ZDHHC17: variants seen among roughly 807,000 people sequenced by gnomAD.
ZDHHC17 encodes zDHHC palmitoyltransferase 17.
Under a neutral mutation model 90.3 loss-of-function variants are expected in ZDHHC17, and 40 were observed. That is an observed-to-expected ratio of 0.44 (90% CI 0.34 to 0.58). The LOEUF is 0.58. ZDHHC17 is among the 20% of genes least tolerant of loss of function. ZDHHC17 has a pLI of 0.01. For missense variants in ZDHHC17, 614 were observed against 780.8 expected, an observed-to-expected ratio of 0.79 and a Z score of 2.55; for synonymous variants, 235 against 252.4, an observed-to-expected ratio of 0.93 and a Z score of 0.65.
At chr12:76,781,861 A>C (rs1952630576) in intron 1 of ZDHHC17, among the ~76,000 whole-genome samples, 1 of 152,234 alleles carries the variant, frequency 6.6e-6, no homozygotes, top group Non-Finnish European at 1.5e-5. Context: ...AAATCTCAAA[A>C]ACATAATGTT....
chr12:76,828,027 G>C (rs1246409732), intron 9 of ZDHHC17, among the ~76,000 whole-genome samples: 1 of 151,984 alleles, frequency 6.6e-6, no homozygotes, highest in Non-Finnish European at 1.5e-5. Context: ...GGCTTGGTTT[G>C]GATTCATTTG....
intron 1 of ZDHHC17, among the ~76,000 whole-genome samples, chr12:76,779,535 A>G (rs141524973): frequency 7.3e-4 from 111 of 152,280 alleles, no homozygotes; most frequent in African/African-American, 2.5e-3. Flanking sequence ...CATCCCCATG[A>G]TTCAATTACC....
chr12:76,786,042 T>C (rs1260699793), intron 1 of ZDHHC17, among the ~76,000 whole-genome samples: 1 of 152,114 alleles, frequency 6.6e-6, no homozygotes, highest in African/African-American at 2.4e-5. Flanking sequence ...AAAGAAGCAT[T>C]GCGACTTGGT....
chr12:76,804,214 G>A (rs1302157950), intron 2 of ZDHHC17, among the ~76,000 whole-genome samples: 1 of 152,216 alleles, frequency 6.6e-6, no homozygotes, highest in African/African-American at 2.4e-5. Context: ...AGTCTTACCA[G>A]CAGTGGGATG....
chr12:76,831,153 A>T (rs774573255), intron 10 of ZDHHC17, among the ~76,000 whole-genome samples: 1 of 152,220 alleles, frequency 6.6e-6, no homozygotes, highest in Admixed American at 6.5e-5. Context: ...AAGGGGAGAT[A>T]ATAGTAGCAC....
At chr12:76,800,890 T>C (rs1435504987) in intron 2 of ZDHHC17, among the ~76,000 whole-genome samples, 4 of 144,900 alleles carry the variant, frequency 2.8e-5, no homozygotes, top group South Asian at 2.2e-4. Context: ...CATTTCTTTT[T>C]TTTTTTTTTT....
Position 76,809,754 on chromosome 12 carries a change from G to T in ZDHHC17, c.440G>T (p.Gly147Val), listed in dbSNP as rs771644547. Residue 147 changes from glycine (G) to valine (V), a missense_variant, in exon 5 of 17, where the codon GGT becomes GTT. By Grantham distance (109) the Gly-to-Val change is moderately radical (BLOSUM62 -3). Around this residue, in one of 5 missense-constraint regions of ZDHHC17, gnomAD observed 358 missense variants for 380.4 expected, o/e 0.94. Coordinates refer to ENST00000426126, the MANE Select transcript of ZDHHC17 (RefSeq NM_015336.4). ...ATGGTTGTGCAACTAATGAAATATGGTGCAGATCCTTCATTAATTGATGGA... is the reference window on the plus strand; with the variant it reads ...ATGGTTGTGCAACTAATGAAATATGTTGCAGATCCTTCATTAATTGATGGA... ...LSMVVQLMKY[G>V]ADPSLIDGEG... 1 of 1,596,754 alleles carries T rather than the reference G, an allele frequency of 6.3e-7. No homozygotes were observed. The highest frequency in any genetic ancestry group is 8.5e-7 in the Non-Finnish European group (1 of 1,171,984).
chr12:76,808,090 T>C (rs1369618393), intron 3 of ZDHHC17, among the ~76,000 whole-genome samples: 5 of 152,194 alleles, frequency 3.3e-5, no homozygotes, highest in African/African-American at 7.2e-5. Flanking sequence ...CAAATACTTA[T>C]TTGCAGCCAC....
intron 2 of ZDHHC17, among the ~76,000 whole-genome samples, chr12:76,798,071 A>G (rs1952844060): frequency 6.6e-6 from 1 of 152,288 alleles, no homozygotes; most frequent in Non-Finnish European, 1.5e-5. Flanking sequence ...TTAGGCCCTG[A>G]GAATATTAAG....
chr12:76,826,412 T>C (rs980976967), intron 8 of ZDHHC17, among the ~76,000 whole-genome samples: 5 of 152,216 alleles, frequency 3.3e-5, no homozygotes, highest in African/African-American at 1.2e-4. Flanking sequence ...TCTAGGAGCC[T>C]ATGGATTGTT....
chr12:76,781,778 G>T, intron 1 of ZDHHC17: 2 of 427,600 alleles, frequency 4.7e-6, no homozygotes, highest in Non-Finnish European at 4.7e-6. Context: ...GAATATATCT[G>T]GCTTATTCAT....
At chr12:76,831,067 T>G (rs916331207) in intron 10 of ZDHHC17, among the ~76,000 whole-genome samples, 1 of 149,284 alleles carries the variant, frequency 6.7e-6, no homozygotes, top group East Asian at 1.9e-4. Flanking sequence ...GTAAATACAT[T>G]GAATAAGTTG....
intron 8 of ZDHHC17, among the ~76,000 whole-genome samples, chr12:76,825,488 A>G (rs190058461): frequency 2.1e-4 from 32 of 152,330 alleles, no homozygotes; most frequent in Admixed American, 2.1e-3. Flanking sequence ...TCTCCTGAGT[A>G]GTAAATCTTC....
chr12:76,825,105 T>G (rs956833864), intron 8 of ZDHHC17, among the ~76,000 whole-genome samples: 8 of 152,084 alleles, frequency 5.3e-5, no homozygotes. Flanking sequence ...AGGAATCCTT[T>G]TAAGTAGTGG....
At position 76,822,491 on chromosome 12, in the gene ZDHHC17, A is replaced by G. The variant is rs1953175847; in HGVS notation, c.857A>G (p.Tyr286Cys). 1 of 1,612,088 alleles carries G rather than the reference A, an allele frequency of 6.2e-7. No homozygotes were observed. The highest frequency in any genetic ancestry group is 8.5e-7 in the Non-Finnish European group (1 of 1,179,024). The change falls in exon 8 of 17, where the codon TAT (tyrosine) becomes TGT (cysteine). Residue 286 changes from tyrosine to cysteine, a missense_variant. Coordinates refer to ENST00000426126, the MANE Select transcript of ZDHHC17 (RefSeq NM_015336.4). ...HLQEARQAKG[Y>C]DNPSFLRKLK... ...CAAGAGGCAAGGCAAGCAAAAGGATATGACAATCCGTCCTTCCTTAGAAAG... is the reference window on the plus strand; with the variant it reads ...CAAGAGGCAAGGCAAGCAAAAGGATGTGACAATCCGTCCTTCCTTAGAAAG...
chr12:76,782,836 C>T lies in ZDHHC17; in HGVS notation c.94-14598C>T, dbSNP rs116332308. On this transcript the variant is annotated intron_variant, in intron 1 of 16. Transcript: ENST00000426126. ...GCAAGGACAGGTGGGGATTTATAGTCAGCAAGCAGAATGAGGGGTAGTCAG... is the reference window on the plus strand; with the variant it reads ...GCAAGGACAGGTGGGGATTTATAGTTAGCAAGCAGAATGAGGGGTAGTCAG... Among the ~76,000 whole-genome samples, 503 of 151,952 alleles carry T rather than the reference C, an allele frequency of 3.3e-3. 3 individuals carry two copies. Among genetic ancestry groups the T allele is most frequent in the African/African-American group, 0.012 (479 of 41,418 alleles).
intron 1 of ZDHHC17, among the ~76,000 whole-genome samples, chr12:76,792,914 T>G (rs1409097734): frequency 1.1e-4 from 17 of 152,174 alleles, no homozygotes; most frequent in Non-Finnish European, 1.5e-5. Flanking sequence ...GACATCAAAC[T>G]TAAGTCTAAC....
chr12:76,816,221 G>C (rs1260205523), intron 7 of ZDHHC17, among the ~76,000 whole-genome samples: 1 of 151,842 alleles, frequency 6.6e-6, no homozygotes, highest in Non-Finnish European at 1.5e-5. Flanking sequence ...AAGATCAAGA[G>C]ATTTAAATTT....
chr12:76,809,923 A>T (rs1484130087), intron 5 of ZDHHC17, 66 bp downstream of exon 5: 2 of 1,524,104 alleles, frequency 1.3e-6, no homozygotes, highest in Non-Finnish European at 1.8e-6. Flanking sequence ...GCCTAATATT[A>T]TTGGTGTTGT....
Sources: gnomAD v4.1 joint callset for allele counts (sites outside exome capture counted in the v4.1 genomes callset) on GRCh38, gnomAD v4.1.1 for gene constraint, gnomAD v4.1.1 regional missense constraint, MANE v1.5 for transcripts, NCBI Gene and HGNC (gene_info 2026-07-23, HGNC 2026-07-21) for gene names.